Variants in AXDND1 observed in about 807,000 individuals in gnomAD.
AXDND1 encodes the protein axonemal dynein light chain domain-containing protein 1.
In AXDND1, 110 loss-of-function variants were observed where a neutral mutation model predicts 137.5. That is an observed-to-expected ratio of 0.80 (90% CI 0.69 to 0.94). The LOEUF (loss-of-function observed/expected upper bound fraction) is 0.94. Ranked by LOEUF, AXDND1 falls within the 40% of genes least tolerant of loss-of-function variation. The pLI is 0.00. For synonymous variants in AXDND1, 414 were observed against 399.7 expected, an observed-to-expected ratio of 1.04 and a Z score of -0.43; for missense variants, 1,191 against 1,169.8, an observed-to-expected ratio of 1.02 and a Z score of -0.26.
At chr1:179,443,012 G>A (rs1659225074) in intron 15 of AXDND1, among the ~76,000 whole-genome samples, 1 of 152,182 alleles carries the variant, frequency 6.6e-6, no homozygotes, top group African/African-American at 2.4e-5. Context: ...TGATTGTCGA[G>A]TAATTGTCAA....
chr1:179,428,388 T>C (rs11811198), intron 12 of AXDND1, among the ~76,000 whole-genome samples: 44,701 of 152,198 alleles, frequency 0.29, 6,786 homozygotes, highest in Non-Finnish European at 0.31. Context: ...GAAGTGACAG[T>C]TAGAATGTCA....
intron 25 of AXDND1, among the ~76,000 whole-genome samples, chr1:179,546,736 T>C (rs1672688379): frequency 6.6e-6 from 1 of 152,174 alleles, no homozygotes; most frequent in African/African-American, 2.4e-5. Flanking sequence ...GGTACTGTTT[T>C]GGGAGTGCAT....
At chr1:179,375,593 T>C (rs189082662) in intron 4 of AXDND1, among the ~76,000 whole-genome samples, 10 of 143,412 alleles carry the variant, frequency 7.0e-5, no homozygotes, top group East Asian at 6.2e-4. Context: ...CATATATGTA[T>C]ATAATATATG....
At chr1:179,369,139 C>G (rs1667767985) in intron 3 of AXDND1, among the ~76,000 whole-genome samples, 167 bp downstream of exon 3, 1 of 152,112 alleles carries the variant, frequency 6.6e-6, no homozygotes. Flanking sequence ...GAGTAGTGGC[C>G]TGATCATTGC....
intron 16 of AXDND1, 95 bp from the exon 17 acceptor site, chr1:179,468,348 G>A: frequency 1.2e-6 from 1 of 850,110 alleles, no homozygotes; most frequent in South Asian, 1.9e-5. Context: ...ATTTTTAAAA[G>A]ATAATGCCCT....
At chr1:179,373,286 T>C (rs1465090589) in intron 4 of AXDND1, among the ~76,000 whole-genome samples, 1 of 152,160 alleles carries the variant, frequency 6.6e-6, no homozygotes, top group Non-Finnish European at 1.5e-5. Flanking sequence ...GAAGGACCTC[T>C]TCAAGGAGAA....
At position 179,518,385 on chromosome 1, in the gene AXDND1, C is replaced by CTTTTTTTT. The variant is rs71114530; in HGVS notation, c.2497-6942_2497-6935dup. 2.2e-4 allele frequency among the ~76,000 whole-genome samples: 32 copies of CTTTTTTTT among 145,014 alleles called. 1 individual carries two copies. Among genetic ancestry groups the CTTTTTTTT allele is most frequent in the East Asian group, 6.0e-4 (3 of 5,042 alleles). On this transcript the variant is annotated intron_variant, in intron 21 of 25. Coordinates refer to ENST00000367618, the MANE Select transcript of AXDND1 (RefSeq NM_144696.6). ...GGCTTTATGATACATTTTCCTTTTT[C>CTTTTTTTT]TTTTTTTTTTTTTTGACTTTTAAGT...
intron 12 of AXDND1, among the ~76,000 whole-genome samples, chr1:179,416,614 G>GT (rs1175241750): frequency 6.6e-6 from 1 of 152,186 alleles, no homozygotes; most frequent in African/African-American, 2.4e-5. Context: ...CCCCAGTCAA[G>GT]TGAATGCCTC....
chr1:179,375,009 T>C (rs1668444008), intron 4 of AXDND1, among the ~76,000 whole-genome samples: 1 of 151,720 alleles, frequency 6.6e-6, no homozygotes, highest in South Asian at 2.1e-4. Flanking sequence ...TAAATTATTT[T>C]TAAAAATTAA....
chr1:179,389,530 G>A (rs1649792697), intron 9 of AXDND1, among the ~76,000 whole-genome samples: 1 of 152,094 alleles, frequency 6.6e-6, no homozygotes, highest in South Asian at 2.1e-4. Context: ...TCCTACACTT[G>A]CCCACGTCTC....
chr1:179,468,632 A>T lies in AXDND1; in HGVS notation c.1988A>T (p.Asp663Val). ...TGIVPQHIDV[D>V]SVSVLQAYIF... ...ATTGTTCCACAGCACATAGATGTGG[A>T]TTCTGTTTCGTAAGTTCCCATAGGT... The change falls in exon 17 of 26, where the codon GAT becomes GTT. Residue 663 changes from aspartate (D) to valine (V), a missense_variant. Transcript: ENST00000367618. 1 of 1,595,950 alleles carries T rather than the reference A, an allele frequency of 6.3e-7. No individual in the cohort carries two copies. Among genetic ancestry groups the T allele is most frequent in the Non-Finnish European group, 8.5e-7 (1 of 1,173,794 alleles).
intron 11 of AXDND1, among the ~76,000 whole-genome samples, chr1:179,408,899 G>T (rs1653399798): frequency 6.6e-6 from 1 of 151,130 alleles, no homozygotes; most frequent in African/African-American, 2.4e-5. Context: ...TGCCAAGGCT[G>T]GTCTCAAACT....
chr1:179,552,592 G>A lies in AXDND1; in HGVS notation c.3032-1920G>A, dbSNP rs372303141. 916 of 1,609,394 alleles carry A rather than the reference G, an allele frequency of 5.7e-4. 11 individuals are homozygous for A. In the South Asian group the frequency reaches 7.9e-3, roughly 14 times the overall value. On this transcript the variant is annotated intron_variant, in intron 25 of 25. Coordinates refer to ENST00000367618, the MANE Select transcript of AXDND1 (RefSeq NM_144696.6). ...TAAAGGGCAGTCTGGGTGGGAGGAT[G>A]GAGTGCTCACCCGCACTTTGGCTTG...
intron 16 of AXDND1, chr1:179,449,735 A>G (rs1660264338): frequency 6.6e-6 from 1 of 151,926 alleles, no homozygotes; most frequent in Non-Finnish European, 1.5e-5. Context: ...CTTTTGTTAA[A>G]TATTTTTTTG....
rs1558165784 is a variant in AXDND1 at position 179,429,561 on chromosome 1, T to A, written c.1274T>A (p.Leu425His). 1 of 1,578,636 alleles carries A rather than the reference T, an allele frequency of 6.3e-7. No homozygotes were observed. The highest frequency in any genetic ancestry group is 8.6e-7 in the Non-Finnish European group (1 of 1,165,524). Residue 425 changes from leucine (L) to histidine (H), a missense_variant, in exon 13 of 26, where the codon CTT (leucine) becomes CAT (histidine). Transcript: ENST00000367618. ...GTCATATTGGCTAGAAGACTTTACC[T>A]TAATGAAAAAGGCTGGAATAAATAC... ...NRVILARRLY[L>H]NEKGWNKYTK... is the part of the protein sequence containing the mutation.
At chr1:179,530,637 G>C (rs1292847601) in intron 23 of AXDND1, among the ~76,000 whole-genome samples, 1 of 134,778 alleles carries the variant, frequency 7.4e-6, no homozygotes, top group Non-Finnish European at 1.7e-5. Context: ...ACATGGACCA[G>C]TAAGTCCATG....
intron 25 of AXDND1, among the ~76,000 whole-genome samples, chr1:179,549,296 A>G (rs16854300): frequency 0.055 from 8,360 of 152,174 alleles, 766 homozygotes; most frequent in African/African-American, 0.19. Context: ...TTTCACCTAA[A>G]CACAGTTTTA....
intron 16 of AXDND1, among the ~76,000 whole-genome samples, chr1:179,459,712 C>G (rs1661955225): frequency 6.9e-6 from 1 of 144,104 alleles, no homozygotes. Context: ...TCCTTTCTTT[C>G]TTTTTCTTTC....
chr1:179,432,164 T>C (rs1657466172), intron 14 of AXDND1, 103 bp from the exon 15 acceptor site: 3 of 1,381,022 alleles, frequency 2.2e-6, no homozygotes, highest in East Asian at 2.9e-5. Context: ...TTCAAAATTA[T>C]TGAGGAGAAA....
Sources: gnomAD v4.1 joint callset for allele counts (sites outside exome capture counted in the v4.1 genomes callset) on GRCh38, gnomAD v4.1.1 for gene constraint, MANE v1.5 for transcripts, NCBI Gene and HGNC (gene_info 2026-07-23, HGNC 2026-07-21) for gene names.